The following SMCO4 variants were observed in gnomAD, a reference collection of about 807,000 sequenced individuals.
SMCO4 encodes single-pass membrane protein with coiled-coil domains 4, also known as single-pass membrane and coiled-coil domain-containing protein 4.
SMCO4 carries 4 observed loss-of-function variants against 3.6 expected under a neutral mutation model. That is an observed-to-expected ratio of 1.11 (90% CI 0.54 to 2.53). SMCO4 has a LOEUF of 2.53. Among genes scored for constraint, SMCO4 ranks in the 30% most tolerant of loss-of-function variants. SMCO4 has a pLI of 0.02. For synonymous variants in SMCO4, 36 were observed against 35.3 expected, an observed-to-expected ratio of 1.02 and a Z score of -0.07; for missense variants, 70 against 80.8, an observed-to-expected ratio of 0.87 and a Z score of 0.51.
In SMCO4 at chr11:93,505,525, T is replaced by C. The variant is rs572926617; in HGVS notation, c.-153-6177A>G. On this transcript the variant is annotated intron_variant, in intron 1 of 2. Coordinates refer to ENST00000298966, the MANE Select transcript of SMCO4 (RefSeq NM_020179.3). ...CTGTAAAAATGAAAAGGCCAGACTATGTGATTATTTCCCAAAGAAAATTCC... is the reference window on the plus strand; with the variant it reads ...CTGTAAAAATGAAAAGGCCAGACTACGTGATTATTTCCCAAAGAAAATTCC... Among the ~76,000 whole-genome samples, 6 of 152,330 alleles carry C rather than the reference T, an allele frequency of 3.9e-5. No homozygotes were observed. The South Asian group carries it at 1.0e-3, about 26-fold the overall frequency.
rs1480703057 is a variant in SMCO4 at position 93,534,213 on chromosome 11, TATACAC to T, written c.-154+9057_-154+9062del. 7.7e-4 allele frequency among the ~76,000 whole-genome samples: 20 copies of T among 25,936 alleles called. 1 individual carries two copies. Among genetic ancestry groups the T allele is most frequent in the South Asian group, 5.9e-3 (3 of 512 alleles). The allele number at this position is 25,936 out of a possible 152,430, so 17.0% of individuals were successfully genotyped here. ...CTCAAAAAAAAAAAAAAAATATATA[TATACAC>T]ACACACACACACACACACACACACA... On this transcript the variant is annotated intron_variant, in intron 1 of 2. Transcript: ENST00000298966.
intron 2 of SMCO4, among the ~76,000 whole-genome samples, chr11:93,495,805 T>G (rs1948766078): frequency 6.6e-6 from 1 of 152,228 alleles, no homozygotes. Flanking sequence ...GTTATTCTGG[T>G]GTTTGGAGGA....
the SMCO4 span, among the ~76,000 whole-genome samples, chr11:93,551,461 G>C: frequency 6.6e-6 from 1 of 152,164 alleles, no homozygotes; most frequent in African/African-American, 2.4e-5. Flanking sequence ...TTGGGGCCCT[G>C]TCTCCCCAGA....
rs1168392909 is a variant in SMCO4 at position 93,534,190 on chromosome 11, C to CA, written c.-154+9085dup. Among the ~76,000 whole-genome samples the CA allele has an allele frequency of 1.7e-3, 191 of 110,414 alleles. 4 individuals are homozygous for CA. The highest frequency in any genetic ancestry group is 6.0e-3 in the African/African-American group (156 of 25,936). The allele number at this position is 110,414 out of a possible 152,430, so 72.4% of individuals were successfully genotyped here. On this transcript the variant is annotated intron_variant, in intron 1 of 2. Transcript: ENST00000298966. Reference sequence around the variant, plus strand: ...TGGGCGACAAAATGAGACTCCGTCTCAAAAAAAAAAAAAAAATATATATAT... The same window carrying CA: ...TGGGCGACAAAATGAGACTCCGTCTCAAAAAAAAAAAAAAAAATATATATAT...
At chr11:93,549,736 G>A in the SMCO4 span, among the ~76,000 whole-genome samples, 1 of 151,934 alleles carries the variant, frequency 6.6e-6, no homozygotes, top group Non-Finnish European at 1.5e-5. Context: ...TGTGATTACA[G>A]ACACAAACCA....
intron 1 of SMCO4, among the ~76,000 whole-genome samples, chr11:93,512,544 A>C (rs1259205036): frequency 1.3e-5 from 2 of 152,166 alleles, no homozygotes; most frequent in Non-Finnish European, 2.9e-5. Context: ...TTTATACTAT[A>C]TTTTTATTGT....
At chr11:93,542,156 G>C (rs1422297928) in intron 1 of SMCO4, among the ~76,000 whole-genome samples, 1 of 151,194 alleles carries the variant, frequency 6.6e-6, no homozygotes, top group Non-Finnish European at 1.5e-5. Flanking sequence ...TTGTCAACGG[G>C]CTCCACACAG....
chr11:93,507,260 C>T (rs985881974), intron 1 of SMCO4, among the ~76,000 whole-genome samples: 17 of 151,988 alleles, frequency 1.1e-4, no homozygotes, highest in Admixed American at 6.6e-5. Context: ...CAAAAATAAG[C>T]GTGATGGTGG....
chr11:93,519,906 G>T (rs1949042172), intron 1 of SMCO4, among the ~76,000 whole-genome samples: 1 of 152,130 alleles, frequency 6.6e-6, no homozygotes, highest in African/African-American at 2.4e-5. Context: ...CAGACCTATA[G>T]TCTGAATACA....
rs1435986029 is a variant in SMCO4, at chr11:93,535,882, C to T, written c.-154+7394G>A. ...TGAATTGCTATTTTTTCCTTTTGGC[C>T]ACATAGCTAGGTTTCTGGTTCCCCC... On this transcript the variant is annotated intron_variant, in intron 1 of 2. Transcript: ENST00000298966. 1.9e-6 allele frequency: 3 copies of T among 1,603,668 alleles called. No homozygotes were observed. The Admixed American group carries it at 5.0e-5, about 27-fold the overall frequency.
At chr11:93,543,964 A>G (rs1023182914), upstream of SMCO4, among the ~76,000 whole-genome samples, 1 of 152,222 alleles carries the variant, frequency 6.6e-6, no homozygotes, top group African/African-American at 2.4e-5. Context: ...GCAGCTCAGC[A>G]TAAATAAATG....
chr11:93,515,634 A>G (rs7948506), intron 1 of SMCO4, among the ~76,000 whole-genome samples: 1,736 of 152,292 alleles, frequency 0.011, 19 homozygotes, highest in African/African-American at 0.039. Flanking sequence ...CTCTGCCTAC[A>G]AGTTCCTCCT....
chr11:93,542,833 T>A (rs1325567938), intron 1 of SMCO4, among the ~76,000 whole-genome samples: 1 of 151,826 alleles, frequency 6.6e-6, no homozygotes, highest in Admixed American at 6.5e-5. Flanking sequence ...CACCCCTTTC[T>A]CGGCGTCCTC....
At chr11:93,542,980 G>A (rs1159885269) in intron 1 of SMCO4, among the ~76,000 whole-genome samples, 1 of 150,960 alleles carries the variant, frequency 6.6e-6, no homozygotes, top group Admixed American at 6.6e-5. Flanking sequence ...CTCGCGGTCC[G>A]CCCCAACTTT....
chr11:93,545,623 A>AGG (rs1949311208), upstream of SMCO4, among the ~76,000 whole-genome samples: 1 of 150,746 alleles, frequency 6.6e-6, no homozygotes, highest in Non-Finnish European at 1.5e-5. Flanking sequence ...AGAGAGAGAG[A>AGG]AAAGAAAAAG....
chr11:93,502,478 T>C (rs1005446089), intron 1 of SMCO4, among the ~76,000 whole-genome samples: 2 of 152,198 alleles, frequency 1.3e-5, no homozygotes, highest in African/African-American at 4.8e-5. Flanking sequence ...ACACAAAATG[T>C]AGGGTCCCTA....
intron 1 of SMCO4, 68 bp from the exon 2 acceptor site, chr11:93,499,416 T>C (rs1159259679): frequency 2.6e-5 from 4 of 152,202 alleles, no homozygotes; most frequent in African/African-American, 7.2e-5. Context: ...ACTCCTTTTT[T>C]GGAACCCCCT....
At chr11:93,532,036 A>G (rs1949167742) in intron 1 of SMCO4, among the ~76,000 whole-genome samples, 1 of 152,108 alleles carries the variant, frequency 6.6e-6, no homozygotes, top group South Asian at 2.1e-4. Context: ...AATGTATAAA[A>G]CCAAGCTGTG....
chr11:93,529,812 T>C (rs1349023940), intron 1 of SMCO4, among the ~76,000 whole-genome samples: 2 of 152,202 alleles, frequency 1.3e-5, no homozygotes, highest in African/African-American at 4.8e-5. Flanking sequence ...CGCCTGGAGT[T>C]CCTTCTTCTT....
Sources: allele counts gnomAD v4.1 joint callset (sites outside exome capture counted in the v4.1 genomes callset), GRCh38; gene constraint gnomAD v4.1.1; transcripts MANE v1.5; gene names NCBI Gene and HGNC (gene_info 2026-07-23, HGNC 2026-07-21).